ABCB5: variants seen among roughly 807,000 people sequenced by gnomAD.
ABCB5 encodes the protein ATP binding cassette subfamily B member 5.
Under a neutral mutation model 144.2 loss-of-function variants are expected in ABCB5, and 155 were observed. The observed-to-expected ratio is 1.08, with a 90% CI of 0.94 to 1.23. The LOEUF (loss-of-function observed/expected upper bound fraction) is 1.23. Ranked by LOEUF, ABCB5 falls within the 50% of genes most tolerant of loss-of-function variation. The pLI is 0.00. For missense variants in ABCB5, 1,830 were observed against 1,520.8 expected (o/e 1.20, Z -3.38); for synonymous variants, 610 against 528.6 (o/e 1.15, Z -2.11).
intron 14 of ABCB5, among the ~76,000 whole-genome samples, chr7:20,671,765 C>G (rs1583414923): frequency 1.3e-5 from 2 of 152,314 alleles, no homozygotes; most frequent in East Asian, 3.9e-4. Context: ...TGGGATATTA[C>G]AGATAAAGCT....
chr7:20,753,456 ATTTTATTGTTGGATGAGGCCACTTCAGCC>A lies in ABCB5; in HGVS notation c.3527_3555del (p.Ile1176ThrfsTer3), dbSNP rs1782993681. On this transcript the variant is annotated frameshift_variant, in exon 27 of 28. Transcript: ENST00000404938. LOFTEE classifies it high-confidence loss of function. ...AAGGGCTCTTCTCCAAAAACCCAAA[ATTTTATTGTTGGATGAGGCCACTTCAGCC>A]CTCGATAATGACAGTGAGAAGGTAA... 19 of 1,613,980 alleles carry A rather than the reference ATTTTATTGTTGGATGAGGCCACTTCAGCC, an allele frequency of 1.2e-5. No individual in the cohort carries two copies. Among genetic ancestry groups the A allele is most frequent in the Non-Finnish European group, 1.5e-5 (18 of 1,179,984 alleles).
intron 19 of ABCB5, among the ~76,000 whole-genome samples, chr7:20,702,441 A>G (rs1172477863): frequency 2.0e-5 from 3 of 152,128 alleles, no homozygotes; most frequent in Non-Finnish European, 4.4e-5. Flanking sequence ...GAAACAGGTC[A>G]TGAAACTCAG....
chr7:20,665,770 T>TAGATAGATAGATAGATAG (rs1466333096), intron 14 of ABCB5, among the ~76,000 whole-genome samples: 1 of 124,436 alleles, frequency 8.0e-6, no homozygotes, highest in African/African-American at 3.3e-5. Context: ...TAGATAGAGA[T>TAGATAGATAGATAGATAG]ACATACATAC....
rs776087695 is a variant in ABCB5, at chr7:20,650,130, G to T, written c.1315G>T (p.Asp439Tyr). The T allele has an allele frequency of 1.5e-5, 25 of 1,613,492 alleles. No homozygotes were observed. The highest frequency in any genetic ancestry group is 2.0e-5 in the Non-Finnish European group (24 of 1,179,552). The change falls in exon 12 of 28, where the codon GAT becomes TAT. Residue 439 changes from aspartate (D) to tyrosine (Y), a missense_variant. Asp to Tyr is a radical substitution (Grantham distance 160). Coordinates refer to ENST00000404938, the MANE Select transcript of ABCB5 (RefSeq NM_001163941.2). ...TVVQLLQRLY[D>Y]PDDGFIMVDE... is the part of the protein sequence containing the mutation. Reference sequence around the variant, plus strand: ...AGTCCAGCTTCTGCAGAGGTTATATGATCCGGATGATGGCTTTGTAAGTGC... The same window carrying T: ...AGTCCAGCTTCTGCAGAGGTTATATTATCCGGATGATGGCTTTGTAAGTGC...
intron 16 of ABCB5, among the ~76,000 whole-genome samples, chr7:20,696,926 T>C (rs1256228363): frequency 1.3e-5 from 2 of 152,194 alleles, no homozygotes; most frequent in East Asian, 1.9e-4. Context: ...GATCGTTCTA[T>C]AGGAGGAAGA....
rs1785503896 is a variant in ABCB5, at chr7:20,673,214, G to C, written c.1708-8291G>C. Among the ~76,000 whole-genome samples, 5 of 151,716 alleles carry C rather than the reference G, an allele frequency of 3.3e-5. No homozygotes were observed. In the South Asian group the frequency reaches 8.4e-4, roughly 26 times the overall value. On this transcript the variant is annotated intron_variant, in intron 14 of 27. Coordinates refer to ENST00000404938, the MANE Select transcript of ABCB5 (RefSeq NM_001163941.2). ...TATGGTCCCTCTTAGTAAATGTTTT[G>C]TGTACACTTGAAAATAATGTGCATT...
chr7:20,667,887 G>C, intron 14 of ABCB5, among the ~76,000 whole-genome samples: 1 of 147,698 alleles, frequency 6.8e-6, no homozygotes, highest in Non-Finnish European at 1.5e-5. Flanking sequence ...ACGCCTGACT[G>C]GTTTTCGTTT....
At chr7:20,659,309 A>ATAAAC in intron 14 of ABCB5, 7 of 1,420,142 alleles carry the variant, frequency 4.9e-6, no homozygotes, top group African/African-American at 4.3e-5. Flanking sequence ...CGATGGCCTG[A>ATAAAC]CTCCCTTATA....
intron 20 of ABCB5, among the ~76,000 whole-genome samples, chr7:20,721,046 T>C (rs1401479406): frequency 4.0e-5 from 6 of 151,150 alleles, no homozygotes; most frequent in African/African-American, 1.2e-4. Flanking sequence ...AATGTAGATA[T>C]CCTTTCACTA....
At chr7:20,733,182 C>CATTATTATTATTATTATTATTATT (rs374670890) in intron 23 of ABCB5, among the ~76,000 whole-genome samples, 1 of 151,010 alleles carries the variant, frequency 6.6e-6, no homozygotes, top group African/African-American at 2.4e-5. Context: ...ACTCAACGTA[C>CATTATTATTATTATTATTATTATT]ATTATTATTA....
intron 1 of ABCB5, among the ~76,000 whole-genome samples, chr7:20,622,340 C>T (rs1783819635): frequency 1.3e-5 from 2 of 152,088 alleles, no homozygotes; most frequent in South Asian, 2.1e-4. Context: ...GTAAATATCT[C>T]CCATATGAAG....
chr7:20,696,143 G>T (rs1371160240), intron 16 of ABCB5, among the ~76,000 whole-genome samples: 2 of 152,086 alleles, frequency 1.3e-5, no homozygotes, highest in African/African-American at 4.8e-5. Flanking sequence ...ATGTGTAATA[G>T]TCTAAAAGTG....
chr7:20,640,370 C>A (rs1250331524), intron 5 of ABCB5, among the ~76,000 whole-genome samples: 2 of 151,956 alleles, frequency 1.3e-5, no homozygotes, highest in Non-Finnish European at 2.9e-5. Context: ...TTTAAAGACA[C>A]CTTATTTAAT....
chr7:20,645,112 C>T (rs1784374017), intron 7 of ABCB5, among the ~76,000 whole-genome samples: 1 of 152,190 alleles, frequency 6.6e-6, no homozygotes, highest in Admixed American at 6.5e-5. Flanking sequence ...CAGTGAAGGT[C>T]AGAGTTATCC....
intron 5 of ABCB5, among the ~76,000 whole-genome samples, chr7:20,638,174 A>G (rs763910939): frequency 1.6e-4 from 24 of 152,226 alleles, no homozygotes; most frequent in South Asian, 4.1e-4. Context: ...TGATTAAATC[A>G]TATTTTCACT....
At chr7:20,666,471 G>C (rs1406896922) in intron 14 of ABCB5, among the ~76,000 whole-genome samples, 1 of 152,124 alleles carries the variant, frequency 6.6e-6, no homozygotes, top group African/African-American at 2.4e-5. Context: ...ACCATCACTG[G>C]TGAGAATCTA....
intron 27 of ABCB5, among the ~76,000 whole-genome samples, chr7:20,755,067 A>G (rs992444512): frequency 6.6e-6 from 1 of 152,024 alleles, no homozygotes; most frequent in African/African-American, 2.4e-5. Context: ...GTCCTGCCTC[A>G]GCCTCCCAAA....
intron 2 of ABCB5, 64 bp from the exon 3 acceptor site, chr7:20,626,493 A>G: frequency 6.9e-7 from 1 of 1,458,330 alleles, no homozygotes; most frequent in Non-Finnish European, 9.3e-7. Flanking sequence ...CAAACTATTA[A>G]TGGAAAAATT....
chr7:20,754,097 T>A (rs1015646), intron 27 of ABCB5, among the ~76,000 whole-genome samples: 62,286 of 152,174 alleles, frequency 0.41, 13,810 homozygotes, highest in African/African-American at 0.59. Flanking sequence ...AATGAATGGT[T>A]ATCATTAATA....
Sources: allele counts gnomAD v4.1 joint callset (sites outside exome capture counted in the v4.1 genomes callset), GRCh38; gene constraint gnomAD v4.1.1; transcripts MANE v1.5; gene names NCBI Gene and HGNC (gene_info 2026-07-23, HGNC 2026-07-21).